SPTAN1: variants seen among roughly 807,000 people sequenced by gnomAD.
SPTAN1 encodes the protein spectrin alpha, non-erythrocytic 1.
Under a neutral mutation model 331.3 loss-of-function variants are expected in SPTAN1, and 61 were observed. The ratio of observed to expected loss-of-function variants is 0.18; its 90% CI spans 0.15 to 0.23. The LOEUF is 0.23. Among genes scored for constraint, SPTAN1 ranks in the 10% least tolerant of loss-of-function variants. The pLI, the probability that SPTAN1 is intolerant of heterozygous loss-of-function variation, is 1.00. For missense variants in SPTAN1, 2,043 were observed against 3,147.9 expected, an observed-to-expected ratio of 0.65 and a Z score of 8.40; for synonymous variants, 1,153 against 1,173.9, an observed-to-expected ratio of 0.98 and a Z score of 0.36.
chr9:128,604,863 G>GC (rs1255666174), intron 29 of SPTAN1, among the ~76,000 whole-genome samples, 171 bp from the exon 30 acceptor site: 1 of 152,120 alleles, frequency 6.6e-6, no homozygotes, highest in Non-Finnish European at 1.5e-5. Flanking sequence ...CCCGGTGGGG[G>GC]CGGAGGTTGC....
intron 24 of SPTAN1, among the ~76,000 whole-genome samples, chr9:128,595,173 G>A (rs1052375772): frequency 1.3e-5 from 2 of 151,984 alleles, no homozygotes; most frequent in South Asian, 4.2e-4. Context: ...ACAGTGGCTC[G>A]ATCTCAGCTC....
rs1853014216 is a variant in SPTAN1 at position 128,588,705 on chromosome 9, T to G, written c.2872-104T>G. The G allele has an allele frequency of 8.8e-6, 13 of 1,484,628 alleles. No individual in the cohort carries two copies. The East Asian group carries it at 2.7e-4, about 31-fold the overall frequency. 92.0% of individuals were successfully genotyped at this position (1,484,628 alleles called of 1,614,324 possible). A position where few individuals can be genotyped will look rare whatever the true frequency, so the allele number is the denominator to read the frequency against. ...AGTGAAGAATTCTCATGAGTGTATA[T>G]TTGGTACATTTGGTACAGCTGGTGG... is the stretch of plus-strand genomic sequence containing the variant. On this transcript the variant is annotated intron_variant, in intron 20 of 56. Coordinates refer to ENST00000372739, the MANE Select transcript of SPTAN1 (RefSeq NM_001130438.3).
intron 34 of SPTAN1, 45 bp downstream of exon 34, chr9:128,608,321 T>C (rs200749390): frequency 6.2e-7 from 1 of 1,612,818 alleles, no homozygotes; most frequent in Non-Finnish European, 8.5e-7. Flanking sequence ...TTTTTCCTGA[T>C]TGACATCTGT....
At chr9:128,588,272 A>C (rs1852937763) in intron 20 of SPTAN1, among the ~76,000 whole-genome samples, 1 of 149,106 alleles carries the variant, frequency 6.7e-6, no homozygotes, top group Non-Finnish European at 1.5e-5. Flanking sequence ...CTGGGATTAT[A>C]GGTATGAGCA....
At chr9:128,567,050 A>G in intron 2 of SPTAN1, 73 bp downstream of exon 2, 2 of 1,600,290 alleles carry the variant, frequency 1.2e-6, no homozygotes, top group Non-Finnish European at 1.7e-6. Flanking sequence ...TCAGACGAGG[A>G]AAGTTACTTA....
chr9:128,583,767 T>TA, intron 15 of SPTAN1, 21 bp from the exon 16 acceptor site: 1 of 1,614,044 alleles, frequency 6.2e-7, no homozygotes, highest in South Asian at 1.1e-5. Flanking sequence ...AGTACAAAAT[T>TA]AAACTTGTTT....
In SPTAN1 at chr9:128,632,123, G is replaced by A; in HGVS notation, c.6763-4G>A. On this transcript the variant is annotated splice_region_variant and splice_polypyrimidine_tract_variant and intron_variant, in intron 52 of 56. Transcript: ENST00000372739. ...CTGAGCATCTGTGCTCCCCACCCCT[G>A]CAGCGCAAGCACCAGGAAATCCGAG... 2 of 1,613,026 alleles carry A rather than the reference G, an allele frequency of 1.2e-6. No individual in the cohort carries two copies. Among genetic ancestry groups the A allele is most frequent in the Middle Eastern group, 1.7e-4 (1 of 6,060 alleles).
Position 128,600,974 on chromosome 9 carries a change from C to CTTTTTTT in SPTAN1, c.3579+880_3579+886dup, listed in dbSNP as rs60290370. ...CACAGCACACAGCCAGGGAGAAAGT[C>CTTTTTTT]TTTTTTTTTTTTTTTTTTTTTTTTT... On this transcript the variant is annotated intron_variant, in intron 27 of 56. Transcript: ENST00000372739. 2.0e-3 allele frequency among the ~76,000 whole-genome samples: 81 copies of CTTTTTTT among 40,862 alleles called. 33 individuals are homozygous for CTTTTTTT. The highest frequency in any genetic ancestry group is 3.6e-3 in the East Asian group (3 of 822). The allele number at this position is 40,862 out of a possible 152,430, so 26.8% of individuals were successfully genotyped here. A position where few individuals can be genotyped will look rare whatever the true frequency, so the allele number is the denominator to read the frequency against.
intron 1 of SPTAN1, among the ~76,000 whole-genome samples, chr9:128,554,939 G>T (rs924842411): frequency 6.6e-6 from 1 of 152,352 alleles, no homozygotes; most frequent in Non-Finnish European, 1.5e-5. Context: ...GTTCTACTTT[G>T]TGGCAATTTC....
In SPTAN1 at chr9:128,593,219, G is replaced by T; in HGVS notation, c.3215+177G>T. 4 of 701,734 alleles carry T rather than the reference G, an allele frequency of 5.7e-6. No individual in the cohort carries two copies. In the South Asian group the frequency reaches 6.1e-5, roughly 11 times the overall value. 43.5% of individuals were successfully genotyped at this position (701,734 alleles called of 1,614,324 possible). A position where few individuals can be genotyped will look rare whatever the true frequency, so the allele number is the denominator to read the frequency against. ...GAAGAGGTCGCGGTGCAGCTGTGTCGGTCGATGACTGCTTATCTCATTGGT... is the reference window on the plus strand; with the variant it reads ...GAAGAGGTCGCGGTGCAGCTGTGTCTGTCGATGACTGCTTATCTCATTGGT... On this transcript the variant is annotated intron_variant, in intron 23 of 56. Transcript: ENST00000372739.
intron 1 of SPTAN1, chr9:128,555,500 G>A (rs1297512515): frequency 5.1e-6 from 5 of 987,570 alleles, no homozygotes; most frequent in South Asian, 1.5e-5. Context: ...CCAAAGAAAG[G>A]GGGAAAAAAA....
At chr9:128,608,349 C>A in intron 34 of SPTAN1, 73 bp downstream of exon 34, 3 of 1,579,796 alleles carry the variant, frequency 1.9e-6, no homozygotes, top group African/African-American at 1.3e-5. Context: ...CTTATATAGT[C>A]ACTGTTATAT....
Position 128,585,865 on chromosome 9 carries a change from A to T in SPTAN1, c.2678A>T (p.Gln893Leu). Residue 893 changes from glutamine to leucine, a missense_variant, in exon 19 of 57, where the codon CAG becomes CTG. Around this residue, in one of 12 missense-constraint regions of SPTAN1, gnomAD observed 1,038 missense variants for 1,531.5 expected, o/e 0.68. Coordinates refer to ENST00000372739, the MANE Select transcript of SPTAN1 (RefSeq NM_001130438.3). ...GACCTGGAGGACTCTCTGCAGGCCC[A>T]GCAGTACTTTGCTGATGCTAACGAG... The part of the protein sequence containing the change: ...RQDLEDSLQA[Q>L]QYFADANEAE... 2 of 1,614,148 alleles carry T rather than the reference A, an allele frequency of 1.2e-6. No homozygotes were observed. Among genetic ancestry groups the T allele is most frequent in the Non-Finnish European group, 1.7e-6 (2 of 1,180,032 alleles).
rs1419187100 is a variant in SPTAN1 at position 128,581,788 on chromosome 9, C to T, written c.1468C>T (p.Leu490=). ...DNWMSKQEAF[L]LNEDLGDSLD... ...CTTTGTTTCCTTTGGCAAGGCGTTC[C>T]TGTTGAATGAAGACTTGGGAGATTC... The change falls in exon 12 of 57, where the codon CTG becomes TTG. Residue 490 remains leucine (L), a synonymous_variant. Coordinates refer to ENST00000372739, the MANE Select transcript of SPTAN1 (RefSeq NM_001130438.3). 6 of 1,613,360 alleles carry T rather than the reference C, an allele frequency of 3.7e-6. No homozygotes were observed. The highest frequency in any genetic ancestry group is 5.1e-6 in the Non-Finnish European group (6 of 1,179,306).
At chr9:128,583,370 A>C in intron 15 of SPTAN1, 89 bp downstream of exon 15, 1 of 1,323,996 alleles carries the variant, frequency 7.6e-7, no homozygotes, top group Non-Finnish European at 1.1e-6. Context: ...TATACCCCCC[A>C]AGAAAGGTGA....
rs1856287231 is a variant in SPTAN1, at chr9:128,609,129, CG to C, written c.4604del (p.Arg1535LeufsTer2). ...RRNEVLDRWRRLKAQMIEKRS... is the reference protein window; with the variant it reads ...RRNEVLDRWRXLKAQMIEKRS... Reference sequence around the variant, plus strand: ...ATGGTTTCACTCTTTCAGGTGGCGACGTCTGAAAGCCCAGATGATTGAGAAA... The same window carrying C: ...ATGGTTTCACTCTTTCAGGTGGCGACTCTGAAAGCCCAGATGATTGAGAAA... On this transcript the variant is annotated frameshift_variant, in exon 36 of 57. Transcript: ENST00000372739. LOFTEE classifies it high-confidence loss of function. 1 of 1,614,050 alleles carries C rather than the reference CG, an allele frequency of 6.2e-7. No individual in the cohort carries two copies. The highest frequency in any genetic ancestry group is 1.3e-5 in the African/African-American group (1 of 74,922).
intron 3 of SPTAN1, among the ~76,000 whole-genome samples, chr9:128,574,425 T>C (rs929331237): frequency 1.3e-5 from 2 of 151,604 alleles, no homozygotes; most frequent in Admixed American, 6.6e-5. Context: ...CTAGAGTAAA[T>C]CTACCTGTGA....
chr9:128,624,903 T>C, intron 46 of SPTAN1, 200 bp from the exon 47 acceptor site: 1 of 645,942 alleles, frequency 1.5e-6, no homozygotes, highest in Non-Finnish European at 2.8e-6. Flanking sequence ...GAAGACGGGC[T>C]GCAGGGAGCT....
At chr9:128,563,904 C>T (rs1303995937) in intron 1 of SPTAN1, among the ~76,000 whole-genome samples, 1 of 151,974 alleles carries the variant, frequency 6.6e-6, no homozygotes, top group Non-Finnish European at 1.5e-5. Flanking sequence ...TCCCAAAGTG[C>T]TGGGATTGCA....
Sources: gnomAD v4.1 joint callset for allele counts (sites outside exome capture counted in the v4.1 genomes callset) on GRCh38, gnomAD v4.1.1 for gene constraint, gnomAD v4.1.1 regional missense constraint, MANE v1.5 for transcripts, NCBI Gene and HGNC (gene_info 2026-07-23, HGNC 2026-07-21) for gene names.